The following SH3GL3 variants were observed in gnomAD, a reference collection of about 807,000 sequenced individuals.
SH3GL3 encodes the protein SH3 domain containing GRB2 like 3, endophilin A3, also known as endophilin-A3.
A neutral mutation model predicts 47.7 loss-of-function variants in SH3GL3; 33 were observed. That is an observed-to-expected ratio of 0.69 (90% CI 0.52 to 0.92). The LOEUF (loss-of-function observed/expected upper bound fraction) is 0.92, where lower values mean the gene tolerates loss of function less well. SH3GL3 is among the 40% of genes least tolerant of loss of function. SH3GL3 has a pLI of 0.00. For synonymous variants in SH3GL3, 155 were observed against 148.8 expected (o/e 1.04, Z -0.30); for missense variants, 363 against 417.8 (o/e 0.87, Z 1.14).
At chr15:83,484,354 G>A (rs183481088) in intron 1 of SH3GL3, among the ~76,000 whole-genome samples, 6 of 152,124 alleles carry the variant, frequency 3.9e-5, no homozygotes, top group African/African-American at 1.4e-4. Flanking sequence ...CTGCCATTTC[G>A]TTTTCCTTGT....
At chr15:83,627,353 C>T in the SH3GL3 span, among the ~76,000 whole-genome samples, 2 of 148,706 alleles carry the variant, frequency 1.3e-5, no homozygotes, top group African/African-American at 2.5e-5. Context: ...GCCGAGATTG[C>T]GCCACTGCAC....
intron 5 of SH3GL3, among the ~76,000 whole-genome samples, chr15:83,574,332 T>C (rs1896801): frequency 0.39 from 59,923 of 151,862 alleles, 11,909 homozygotes; most frequent in Middle Eastern, 0.49. Flanking sequence ...GCACACCCCT[T>C]GGCCCCGACA....
chr15:83,530,852 C>T (rs1469899868), intron 1 of SH3GL3, among the ~76,000 whole-genome samples: 1 of 151,830 alleles, frequency 6.6e-6, no homozygotes, highest in Non-Finnish European at 1.5e-5. Flanking sequence ...TCTTTTTTAC[C>T]TTTTAAACTT....
intron 1 of SH3GL3, among the ~76,000 whole-genome samples, chr15:83,468,107 G>A (rs919389114): frequency 6.6e-6 from 1 of 152,234 alleles, no homozygotes; most frequent in Non-Finnish European, 1.5e-5. Flanking sequence ...TGGGATTACA[G>A]GCATGAGCCA....
In SH3GL3 at chr15:83,553,817, A is replaced by G. The variant is rs1014245254; in HGVS notation, c.46-5436A>G. 3.3e-5 allele frequency among the ~76,000 whole-genome samples: 5 copies of G among 152,128 alleles called. No individual in the cohort carries two copies. The East Asian group carries it at 9.7e-4, about 29-fold the overall frequency. ...ATTTTGCCCTTGTGTAAACTCAGACACATTGGTTTTTGCTTGTTTGTTTGC... is the reference window on the plus strand; with the variant it reads ...ATTTTGCCCTTGTGTAAACTCAGACGCATTGGTTTTTGCTTGTTTGTTTGC... On this transcript the variant is annotated intron_variant, in intron 1 of 8. Coordinates refer to ENST00000427482, the MANE Select transcript of SH3GL3 (RefSeq NM_003027.5).
At chr15:83,606,370 G>A (rs1227876036) in intron 8 of SH3GL3, among the ~76,000 whole-genome samples, 2 of 152,098 alleles carry the variant, frequency 1.3e-5, no homozygotes, top group Admixed American at 1.3e-4. Context: ...GATTACATTA[G>A]AAAATAAACA....
At chr15:83,612,786 C>CA (rs2060703535) in intron 8 of SH3GL3, among the ~76,000 whole-genome samples, 1 of 152,208 alleles carries the variant, frequency 6.6e-6, no homozygotes, top group African/African-American at 2.4e-5. Flanking sequence ...CCTCCCTCTC[C>CA]ATGGCTTGTA....
intron 1 of SH3GL3, among the ~76,000 whole-genome samples, chr15:83,551,190 AT>A (rs1267647152): frequency 1.3e-5 from 2 of 152,124 alleles, no homozygotes; most frequent in African/African-American, 4.8e-5. Flanking sequence ...TTTTCCTGTT[AT>A]TGACAAAATT....
chr15:83,612,788 T>G (rs1401076150), intron 8 of SH3GL3, among the ~76,000 whole-genome samples: 1 of 152,164 alleles, frequency 6.6e-6, no homozygotes, highest in African/African-American at 2.4e-5. Flanking sequence ...TCCCTCTCCA[T>G]GGCTTGTAAT....
chr15:83,574,577 T>C (rs557267318), intron 5 of SH3GL3, among the ~76,000 whole-genome samples: 1 of 152,266 alleles, frequency 6.6e-6, no homozygotes, highest in Admixed American at 6.5e-5. Flanking sequence ...CACTCCCTCC[T>C]GTCCATTCTC....
the SH3GL3 span, among the ~76,000 whole-genome samples, chr15:83,626,242 A>G: frequency 1.3e-5 from 2 of 152,066 alleles, no homozygotes; most frequent in Non-Finnish European, 2.9e-5. Context: ...GCTTCTCCCC[A>G]TCTCCCACTA....
chr15:83,517,205 C>CTTTTTTTTT (rs36096315), intron 1 of SH3GL3, among the ~76,000 whole-genome samples: 2 of 109,686 alleles, frequency 1.8e-5, no homozygotes, highest in Non-Finnish European at 1.9e-5. Context: ...CTTTTCTTTT[C>CTTTTTTTTT]TTTTTTTTTT....
chr15:83,472,250 A>C (rs2040865490), intron 1 of SH3GL3, among the ~76,000 whole-genome samples: 1 of 152,056 alleles, frequency 6.6e-6, no homozygotes, highest in Non-Finnish European at 1.5e-5. Flanking sequence ...TCTTTTGCCA[A>C]ATTTGGAAAG....
intron 1 of SH3GL3, among the ~76,000 whole-genome samples, chr15:83,523,350 G>A (rs2043285782): frequency 6.6e-6 from 1 of 152,184 alleles, no homozygotes; most frequent in Admixed American, 6.5e-5. Flanking sequence ...GTTTGGAAGG[G>A]CAGAGTTCTG....
chr15:83,546,996 G>T (rs1194168720), intron 1 of SH3GL3, among the ~76,000 whole-genome samples: 2 of 152,146 alleles, frequency 1.3e-5, no homozygotes. Context: ...GTTGGGGAAG[G>T]GGTGATGCAA....
the SH3GL3 span, among the ~76,000 whole-genome samples, chr15:83,630,728 C>T: frequency 4.6e-5 from 7 of 152,262 alleles, no homozygotes; most frequent in East Asian, 9.7e-4. Context: ...ACCTCCTACC[C>T]GGTCCCTCCC....
At chr15:83,514,608 T>G (rs2042905734) in intron 1 of SH3GL3, among the ~76,000 whole-genome samples, 1 of 152,214 alleles carries the variant, frequency 6.6e-6, no homozygotes, top group African/African-American at 2.4e-5. Flanking sequence ...CAAAAGCAAA[T>G]TCTTTGAATT....
intron 1 of SH3GL3, among the ~76,000 whole-genome samples, chr15:83,471,040 A>G (rs931328730): frequency 6.6e-6 from 1 of 152,208 alleles, no homozygotes; most frequent in Admixed American, 6.5e-5. Context: ...TAGAATACTT[A>G]TGGAAAGGAG....
chr15:83,592,170 G>C (rs1446252577), intron 8 of SH3GL3, among the ~76,000 whole-genome samples: 1 of 152,050 alleles, frequency 6.6e-6, no homozygotes, highest in Non-Finnish European at 1.5e-5. Flanking sequence ...CTTCAGTTTG[G>C]ATAAATGTAT....
Sources: gnomAD v4.1 joint callset for allele counts (sites outside exome capture counted in the v4.1 genomes callset) on GRCh38, gnomAD v4.1.1 for gene constraint, MANE v1.5 for transcripts, NCBI Gene and HGNC (gene_info 2026-07-23, HGNC 2026-07-21) for gene names.